Variants in ZBTB17 observed in about 807,000 individuals in gnomAD.
ZBTB17 encodes zinc finger and BTB domain containing 17, also known as zinc finger and BTB domain-containing protein 17.
In ZBTB17, 24 loss-of-function variants were observed where a neutral mutation model predicts 85.1. The ratio of observed to expected loss-of-function variants is 0.28; its 90% CI spans 0.20 to 0.40. The LOEUF (loss-of-function observed/expected upper bound fraction) is 0.40, where lower values mean the gene tolerates loss of function less well. Among genes scored for constraint, ZBTB17 ranks in the 10% least tolerant of loss-of-function variants. The probability of loss-of-function intolerance (pLI) is 1.00; values close to 1 mark genes in which losing one functional copy is unlikely to be tolerated. For synonymous variants in ZBTB17, 464 were observed against 460.2 expected, an observed-to-expected ratio of 1.01 and a Z score of -0.11; for missense variants, 743 against 1,105.1, an observed-to-expected ratio of 0.67 and a Z score of 4.65.
Position 15,952,576 on chromosome 1 carries a change from C to T in ZBTB17, c.-2-4079G>A, listed in dbSNP as rs1024489548. 1.3e-5 allele frequency among the ~76,000 whole-genome samples: 2 copies of T among 152,236 alleles called. No individual in the cohort carries two copies. Among genetic ancestry groups the T allele is most frequent in the Non-Finnish European group, 1.5e-5 (1 of 68,042 alleles). On this transcript the variant is annotated intron_variant, in intron 2 of 15. Transcript: ENST00000375743. This position sits in a 1 kb window ranked among gnomAD's most constrained non-coding sequence, Gnocchi z 4.3. The stretch of plus-strand genomic sequence containing the variant: ...TGTCGGAATCTGGATGGCCCAGAGA[C>T]GACTCTGACATCAGGATGCTGGGAC...
intron 6 of ZBTB17, 30 bp from the exon 7 acceptor site, chr1:15,945,232 G>A (rs1473449766): frequency 1.3e-6 from 2 of 1,547,630 alleles, no homozygotes; most frequent in Admixed American, 2.0e-5. Flanking sequence ...CATGGAGGCG[G>A]CAGCCCTCTC....
chr1:15,969,949 T>A, intron 2 of ZBTB17: 1 of 770,312 alleles, frequency 1.3e-6, no homozygotes, highest in South Asian at 1.4e-5. Context: ...TTGTCACATG[T>A]GGTTTGCTGG....
intron 13 of ZBTB17, 82 bp downstream of exon 13, chr1:15,942,982 T>TGG (rs57569573): frequency 1.9e-6 from 3 of 1,574,950 alleles, no homozygotes; most frequent in African/African-American, 2.7e-5. Context: ...GGCTGGGGTC[T>TGG]GGGGGGTCCC....
rs2071581966 is a variant in ZBTB17, at chr1:15,945,849, G to A, written c.536-9C>T. ...CTCTGTCTGCTCTGCACCTGGGTGGGGGAAGCACCGGAGGCTGGATTGCTA... is the reference window on the plus strand; with the variant it reads ...CTCTGTCTGCTCTGCACCTGGGTGGAGGAAGCACCGGAGGCTGGATTGCTA... On this transcript the variant is annotated splice_polypyrimidine_tract_variant and intron_variant, in intron 5 of 15. Transcript: ENST00000375743. 1.3e-6 allele frequency: 2 copies of A among 1,588,424 alleles called. No homozygotes were observed. The highest frequency in any genetic ancestry group is 1.7e-6 in the Non-Finnish European group (2 of 1,171,436).
chr1:15,942,778 G>T, intron 13 of ZBTB17, 40 bp from the exon 14 acceptor site: 1 of 1,604,776 alleles, frequency 6.2e-7, no homozygotes, highest in South Asian at 1.1e-5. Context: ...GTGGGAAGGG[G>T]CCGCAGGGAT....
intron 2 of ZBTB17, among the ~76,000 whole-genome samples, chr1:15,956,876 A>G (rs979863561): frequency 1.3e-5 from 2 of 152,160 alleles, no homozygotes; most frequent in South Asian, 2.1e-4. Flanking sequence ...GGCAGGGGCT[A>G]TTTACTATTT....
intron 5 of ZBTB17, 73 bp from the exon 6 acceptor site, chr1:15,945,913 G>GAT: frequency 6.4e-7 from 1 of 1,564,386 alleles, no homozygotes; most frequent in South Asian, 1.2e-5. Context: ...CTGGACCAGC[G>GAT]CGCTGGTGGT....
In ZBTB17 at chr1:15,945,731, G is replaced by A. The variant is rs757901777; in HGVS notation, c.645C>T (p.Ser215=). The change falls in exon 6 of 16, where the codon TCC becomes TCT. Residue 215 remains serine, a synonymous_variant. Coordinates refer to ENST00000375743, the MANE Select transcript of ZBTB17 (RefSeq NM_003443.3). The part of the protein sequence containing the change: ...MAAAEAEAAL[S]ESSEQEMEVE... The stretch of plus-strand genomic sequence containing the variant: ...CGGGGCTACCTTGCTCCGAGCTCTC[G>A]GACAAAGCGGCCTCAGCTTCTGCAG... 42 of 1,607,102 alleles carry A rather than the reference G, an allele frequency of 2.6e-5. No homozygotes were observed. The highest frequency in any genetic ancestry group is 3.2e-5 in the Non-Finnish European group (38 of 1,179,848).
chr1:15,967,658 T>C (rs1162671812), intron 2 of ZBTB17, among the ~76,000 whole-genome samples: 6 of 152,220 alleles, frequency 3.9e-5, no homozygotes, highest in Admixed American at 1.3e-4. Flanking sequence ...GCATATTTTC[T>C]TTTTTGACCC....
chr1:15,954,795 A>T (rs1458560604), intron 2 of ZBTB17, among the ~76,000 whole-genome samples: 1 of 152,092 alleles, frequency 6.6e-6, no homozygotes, highest in Non-Finnish European at 1.5e-5. Context: ...GGCTGCAGTT[A>T]GCTGTGATTG....
chr1:15,945,448 C>T (rs751071323), intron 6 of ZBTB17, among the ~76,000 whole-genome samples: 1 of 152,210 alleles, frequency 6.6e-6, no homozygotes, highest in African/African-American at 2.4e-5. Flanking sequence ...CACCCCTGCA[C>T]GGTGCTGAAA....
intron 2 of ZBTB17, among the ~76,000 whole-genome samples, chr1:15,967,101 A>G (rs754102683): frequency 2.6e-5 from 4 of 151,910 alleles, no homozygotes; most frequent in Middle Eastern, 3.4e-3. Flanking sequence ...ACAGGACACC[A>G]CCCCTGCTCG....
chr1:15,972,620 A>G (rs562715707), intron 2 of ZBTB17, among the ~76,000 whole-genome samples: 3 of 152,348 alleles, frequency 2.0e-5, no homozygotes, highest in Admixed American at 1.3e-4. Flanking sequence ...CAGGAGCTAC[A>G]GCAGCCAGCT....
Position 15,942,020 on chromosome 1 carries a change from T to G in ZBTB17, c.2361A>C (p.Ala787=). The G allele has an allele frequency of 6.2e-7, 1 of 1,608,072 alleles. No individual in the cohort carries two copies. The highest frequency in any genetic ancestry group is 1.1e-5 in the South Asian group (1 of 91,008). The part of the protein sequence containing the change: ...RPRDGAEGQP[A]LAETSPTAPE... The stretch of plus-strand genomic sequence containing the variant: ...GAGCTGTAGGGGAGGTCTCTGCCAG[T>G]GCGGGCTGGCCCTCAGCCCCGTCGC... The change falls in exon 16 of 16, where the codon GCA becomes GCC. Residue 787 remains alanine, a synonymous_variant. Coordinates refer to ENST00000375743, the MANE Select transcript of ZBTB17 (RefSeq NM_003443.3).
rs1389188435 is a variant in ZBTB17 at position 15,947,041 on chromosome 1, G to A, written c.288C>T (p.Ala96=). The change falls in exon 4 of 16, where the codon GCC becomes GCT. Residue 96 remains alanine (A), a synonymous_variant. Transcript: ENST00000375743. ...TGATGTCCTGCATTTGGAGGAAAGT[G>A]GCCACGGCCAGCACATCATCCACGT... The part of the protein sequence containing the change: ...PENVDDVLAV[A]TFLQMQDIIT... The A allele has an allele frequency of 1.2e-6, 2 of 1,614,090 alleles. No homozygotes were observed. Among genetic ancestry groups the A allele is most frequent in the South Asian group, 2.2e-5 (2 of 91,080 alleles).
chr1:15,956,648 C>T (rs968949840), intron 2 of ZBTB17, among the ~76,000 whole-genome samples: 1 of 152,266 alleles, frequency 6.6e-6, no homozygotes, highest in African/African-American at 2.4e-5. Flanking sequence ...TTGCATTGCC[C>T]TTTAGGGGTG....
intron 2 of ZBTB17, among the ~76,000 whole-genome samples, chr1:15,959,049 T>C (rs962168144): frequency 6.6e-6 from 1 of 152,176 alleles, no homozygotes; most frequent in East Asian, 1.9e-4. Context: ...CAGGTGGCCC[T>C]AGAAGGGTTT....
Position 15,948,294 on chromosome 1 carries a change from C to A in ZBTB17, c.202G>T (p.Ala68Ser). 1.2e-6 allele frequency: 2 copies of A among 1,613,816 alleles called. No homozygotes were observed. The highest frequency in any genetic ancestry group is 1.7e-6 in the Non-Finnish European group (2 of 1,180,048). The change falls in exon 3 of 16, where the codon GCA becomes TCA. Residue 68 changes from alanine to serine, a missense_variant. Physicochemically the swap from Ala to Ser is moderately conservative, Grantham distance 99. Around this residue, in one of 4 missense-constraint regions of ZBTB17, gnomAD observed 74 missense variants for 142.6 expected, o/e 0.52. Coordinates refer to ENST00000375743, the MANE Select transcript of ZBTB17 (RefSeq NM_003443.3). ...AGCCCCAGCCCTGACGGGGTACCTG[C>A]CGCGTTACTGATGTCCAGGTGCACC... ...DVVHLDISNA[A>S]GLGQVLEFMY...
intron 2 of ZBTB17, among the ~76,000 whole-genome samples, chr1:15,963,634 TAGC>T (rs2148802430): frequency 6.6e-6 from 1 of 152,296 alleles, no homozygotes; most frequent in East Asian, 1.9e-4. Flanking sequence ...GTATAATGAT[TAGC>T]AGTCCCCCAA....
Sources: allele counts gnomAD v4.1 joint callset (sites outside exome capture counted in the v4.1 genomes callset), GRCh38; gene constraint gnomAD v4.1.1; regional missense constraint gnomAD v4.1.1; non-coding constraint Gnocchi (gnomAD v3.1); transcripts MANE v1.5; gene names NCBI Gene and HGNC (gene_info 2026-07-23, HGNC 2026-07-21).